Variants in MASP1 observed in about 807,000 individuals in gnomAD.
MASP1 encodes the protein MBL associated serine protease 1, also known as mannan-binding lectin serine protease 1.
In MASP1, 59 loss-of-function variants were observed where a neutral mutation model predicts 77.1. That is an observed-to-expected ratio of 0.77 (90% CI 0.62 to 0.95). The LOEUF (loss-of-function observed/expected upper bound fraction) is 0.95. Ranked by LOEUF, MASP1 falls within the 40% of genes least tolerant of loss-of-function variation. The pLI is 0.00. For synonymous variants in MASP1, 362 were observed against 354.5 expected, an observed-to-expected ratio of 1.02 and a Z score of -0.24; for missense variants, 885 against 912.9, an observed-to-expected ratio of 0.97 and a Z score of 0.39.
At chr3:187,228,807 T>C (rs938620310) in intron 11 of MASP1, among the ~76,000 whole-genome samples, 1 of 152,194 alleles carries the variant, frequency 6.6e-6, no homozygotes, top group South Asian at 2.1e-4. Context: ...CATTCATCTT[T>C]GGGTCTGAGA....
At chr3:187,233,255 A>C (rs1348270300), downstream of MASP1, among the ~76,000 whole-genome samples, 1 of 152,200 alleles carries the variant, frequency 6.6e-6, no homozygotes, top group Non-Finnish European at 1.5e-5. Flanking sequence ...CAGCACCCCA[A>C]GTGATTCTCA....
chr3:187,231,832 C>G (rs886380947), downstream of MASP1, among the ~76,000 whole-genome samples: 3 of 152,168 alleles, frequency 2.0e-5, no homozygotes, highest in African/African-American at 7.2e-5. Flanking sequence ...TTTCAAGGAA[C>G]CAAAACATGG....
chr3:187,224,493 C>T (rs1253855628), intron 13 of MASP1, among the ~76,000 whole-genome samples: 1 of 151,420 alleles, frequency 6.6e-6, no homozygotes, highest in Admixed American at 6.6e-5. Context: ...ACTACAGGCG[C>T]CCGCCACTAT....
At chr3:187,260,626 A>G in intron 4 of MASP1, 115 bp downstream of exon 4, 1 of 1,441,414 alleles carries the variant, frequency 6.9e-7, no homozygotes, top group Non-Finnish European at 9.7e-7. Flanking sequence ...GAGGTGCATC[A>G]TTGACTTCAT....
intron 2 of MASP1, among the ~76,000 whole-genome samples, chr3:187,284,990 G>A (rs1220537472): frequency 1.3e-5 from 2 of 152,194 alleles, no homozygotes; most frequent in Non-Finnish European, 2.9e-5. Context: ...CTCTAGAGTT[G>A]TTTGATGAGA....
In MASP1 at chr3:187,241,546, G is replaced by A. The variant is rs1307328790; in HGVS notation, c.1238C>T (p.Thr413Ile). The A allele has an allele frequency of 2.5e-6, 4 of 1,612,368 alleles. No homozygotes were observed. The highest frequency in any genetic ancestry group is 1.7e-6 in the Non-Finnish European group (2 of 1,178,578). The change falls in exon 10 of 11, where the codon ACC becomes ATC. Residue 413 changes from threonine (T) to isoleucine (I), a missense_variant. Physicochemically the swap from Thr to Ile is moderately conservative, Grantham distance 89 (BLOSUM62 -1). Transcript: ENST00000296280. The stretch of plus-strand genomic sequence containing the variant: ...CATCCAGACTCCTTGGGCAGAACAG[G>A]TATATATACCTGGATTAGTGAAAGA... ...KMLNNNTGIY[T>I]CSAQGVWMNK...
In MASP1 at chr3:187,271,576, T is replaced by C. The variant is rs148560671; in HGVS notation, c.238-8856A>G. Among the ~76,000 whole-genome samples, 7 of 152,298 alleles carry C rather than the reference T, an allele frequency of 4.6e-5. No individual in the cohort carries two copies. In the East Asian group the frequency reaches 1.3e-3, roughly 29 times the overall value. ...GGTATAATTATACCTATGTTGAAAG[T>C]ACGCATTGAAAATAAAAAGTAGAAG... On this transcript the variant is annotated intron_variant, in intron 2 of 10. Transcript: ENST00000296280.
At chr3:187,226,547 G>T in intron 11 of MASP1, 1 of 1,493,050 alleles carries the variant, frequency 6.7e-7, no homozygotes, top group Non-Finnish European at 9.2e-7. Flanking sequence ...ACGTCTCATC[G>T]TCCTGCACTA....
At chr3:187,278,032 C>T (rs947578970) in intron 2 of MASP1, among the ~76,000 whole-genome samples, 2 of 152,134 alleles carry the variant, frequency 1.3e-5, no homozygotes, top group African/African-American at 2.4e-5. Flanking sequence ...ATACCATTGC[C>T]TTCATTACCA....
intron 8 of MASP1, chr3:187,245,105 T>C (rs548150704): frequency 2.0e-5 from 3 of 152,222 alleles, no homozygotes; most frequent in Admixed American, 2.0e-4. Flanking sequence ...ACAAATCATC[T>C]CCATTTGTTT....
intron 2 of MASP1, among the ~76,000 whole-genome samples, chr3:187,279,808 C>T (rs1021911460): frequency 6.6e-6 from 1 of 152,186 alleles, no homozygotes; most frequent in Admixed American, 6.5e-5. Context: ...TTCCAAAGCC[C>T]TCCCTGGCCA....
downstream of MASP1, among the ~76,000 whole-genome samples, chr3:187,230,896 T>G (rs984536435): frequency 2.0e-5 from 3 of 152,356 alleles, no homozygotes; most frequent in Non-Finnish European, 2.9e-5. Context: ...ATTATGTGGC[T>G]TCCCAGAACA....
chr3:187,281,588 A>T (rs890484021), intron 2 of MASP1, among the ~76,000 whole-genome samples: 1 of 152,260 alleles, frequency 6.6e-6, no homozygotes, highest in African/African-American at 2.4e-5. Context: ...CATCCCCAGC[A>T]GGCTGCAGGC....
chr3:187,226,250 T>C (rs1294499692), intron 12 of MASP1: 5 of 669,006 alleles, frequency 7.5e-6, no homozygotes, highest in Non-Finnish European at 1.4e-5. Context: ...AATCATATCT[T>C]GCACTTGGAC....
chr3:187,277,005 C>T (rs768349419), intron 2 of MASP1, among the ~76,000 whole-genome samples: 2 of 152,140 alleles, frequency 1.3e-5, no homozygotes. Context: ...AGCGACTTAC[C>T]TCTCAATTAC....
At chr3:187,262,199 C>T (rs1055737632) in intron 3 of MASP1, among the ~76,000 whole-genome samples, 8 of 152,140 alleles carry the variant, frequency 5.3e-5, no homozygotes, top group African/African-American at 1.7e-4. Flanking sequence ...CAAATGTATA[C>T]ATGAGATATG....
At chr3:187,226,398 C>A (rs769555782) in intron 12 of MASP1, 1 of 1,595,684 alleles carries the variant, frequency 6.3e-7, no homozygotes, top group Admixed American at 1.7e-5. Context: ...TTGCCCCTCA[C>A]TCACTCACCC....
In MASP1 at chr3:187,256,678, A is replaced by G; in HGVS notation, c.730T>C (p.Tyr244His). ...IEDHPEVPCP[Y>H]DYIKIKVGPK... is the part of the protein sequence containing the mutation. ...TGCAGGCTCACCTTGATGTAGTCAT[A>G]GGGGCAGGGCACCTCAGGATGGTCC... Residue 244 changes from tyrosine (Y) to histidine (H), a missense_variant, in exon 5 of 11, where the codon TAT becomes CAT. Transcript: ENST00000296280. The G allele has an allele frequency of 6.2e-7, 1 of 1,613,976 alleles. No individual in the cohort carries two copies. The highest frequency in any genetic ancestry group is 1.3e-5 in the African/African-American group (1 of 75,026).
chr3:187,247,313 A>G (rs1380517228), intron 8 of MASP1: 2 of 1,614,008 alleles, frequency 1.2e-6, no homozygotes, highest in Non-Finnish European at 1.7e-6. Flanking sequence ...GGATGTCTGC[A>G]TTGTGTGGGG....
Sources: allele counts gnomAD v4.1 joint callset (sites outside exome capture counted in the v4.1 genomes callset), GRCh38; gene constraint gnomAD v4.1.1; transcripts MANE v1.5; gene names NCBI Gene and HGNC (gene_info 2026-07-23, HGNC 2026-07-21).